GAS2: variants seen among roughly 807,000 people sequenced by gnomAD.
GAS2 encodes the protein growth arrest-specific protein 2.
GAS2 carries 20 observed loss-of-function variants against 37.5 expected under a neutral mutation model. That is an observed-to-expected ratio of 0.53 (90% CI 0.37 to 0.77). The LOEUF is 0.77. GAS2 is among the 30% of genes least tolerant of loss of function. The pLI is 0.00. For missense variants in GAS2, 336 were observed against 373.4 expected (o/e 0.90, Z 0.82); for synonymous variants, 144 against 132.2 (o/e 1.09, Z -0.61).
intron 1 of GAS2, among the ~76,000 whole-genome samples, chr11:22,660,328 A>G (rs1848902426): frequency 6.6e-6 from 1 of 152,164 alleles, no homozygotes; most frequent in Non-Finnish European, 1.5e-5. Flanking sequence ...TGTATTTTTA[A>G]TGCTGCTAAT....
chr11:22,748,992 A>G (rs1779176626), intron 5 of GAS2, 128 bp from the exon 6 acceptor site: 3 of 952,984 alleles, frequency 3.1e-6, no homozygotes, highest in Non-Finnish European at 4.6e-6. Context: ...TTTCAATGCC[A>G]GAAAAAAAGT....
intron 1 of GAS2, among the ~76,000 whole-genome samples, chr11:22,647,353 TG>T (rs1269866483): frequency 6.6e-6 from 1 of 152,146 alleles, no homozygotes; most frequent in Non-Finnish European, 1.5e-5. Flanking sequence ...TCTAAGTCTT[TG>T]CTATTGTGAA....
chr11:22,638,163 C>T (rs1003179287), intron 1 of GAS2, among the ~76,000 whole-genome samples: 4 of 151,970 alleles, frequency 2.6e-5, no homozygotes, highest in Non-Finnish European at 5.9e-5. Flanking sequence ...AAAACGGCAA[C>T]CACTAACATC....
chr11:22,735,018 A>G (rs1852673915), intron 4 of GAS2, among the ~76,000 whole-genome samples: 1 of 151,684 alleles, frequency 6.6e-6, no homozygotes, highest in Non-Finnish European at 1.5e-5. Context: ...TGCCTTTTCT[A>G]AAGATGCTAG....
At chr11:22,786,502 G>C (rs1462714844) in intron 7 of GAS2, among the ~76,000 whole-genome samples, 1 of 152,020 alleles carries the variant, frequency 6.6e-6, no homozygotes, top group African/African-American at 2.4e-5. Flanking sequence ...GCAAGGACTG[G>C]TTTTCAGTAA....
intron 3 of GAS2, among the ~76,000 whole-genome samples, chr11:22,695,403 T>C (rs1272805186): frequency 6.6e-6 from 1 of 152,162 alleles, no homozygotes; most frequent in Non-Finnish European, 1.5e-5. Context: ...TCCAAATTAA[T>C]TGATATACTT....
chr11:22,764,497 T>C (rs1217820007), intron 7 of GAS2, among the ~76,000 whole-genome samples: 1 of 148,922 alleles, frequency 6.7e-6, no homozygotes, highest in Non-Finnish European at 1.5e-5. Context: ...GAGGCGGAGC[T>C]TGCAGTGAGT....
chr11:22,656,648 A>G (rs1298611881), intron 1 of GAS2, among the ~76,000 whole-genome samples: 1 of 152,238 alleles, frequency 6.6e-6, no homozygotes, highest in African/African-American at 2.4e-5. Context: ...AATCATCCCC[A>G]TACTTTATTA....
In GAS2 at chr11:22,749,187, G is replaced by A. The variant is rs745338293; in HGVS notation, c.541G>A (p.Ala181Thr). The A allele has an allele frequency of 6.2e-7, 1 of 1,612,558 alleles. No individual in the cohort carries two copies. Among genetic ancestry groups the A allele is most frequent in the Non-Finnish European group, 8.5e-7 (1 of 1,179,158 alleles). Reference sequence around the variant, plus strand: ...GATTGAACAAGAAGAAACACTTTCTGCCCCTTCTCCTTCACCTTCTCCTTC... The same window carrying A: ...GATTGAACAAGAAGAAACACTTTCTACCCCTTCTCCTTCACCTTCTCCTTC... ...KEIEQEETLS[A>T]PSPSPSPSSK... The change falls in exon 6 of 8, where the codon GCC becomes ACC. Residue 181 changes from alanine to threonine, a missense_variant. By Grantham distance (58) the Ala-to-Thr change is moderately conservative. Coordinates refer to ENST00000454584, the MANE Select transcript of GAS2 (RefSeq NM_001143830.3).
chr11:22,690,767 T>C (rs1230180358), intron 3 of GAS2, among the ~76,000 whole-genome samples: 1 of 152,190 alleles, frequency 6.6e-6, no homozygotes, highest in African/African-American at 2.4e-5. Context: ...AATTGGCATC[T>C]CTAATCAAGA....
rs142819885 is a variant in GAS2, at chr11:22,680,681, T to C, written c.146-4987T>C. Among the ~76,000 whole-genome samples, 34 of 152,294 alleles carry C rather than the reference T, an allele frequency of 2.2e-4. No homozygotes were observed. The East Asian group carries it at 6.4e-3, about 29-fold the overall frequency. Reference sequence around the variant, plus strand: ...TACAAGGTGGATTGCTATTCATTTTTCAGCACCACAATCTTCAATCCCAAG... The same window carrying C: ...TACAAGGTGGATTGCTATTCATTTTCCAGCACCACAATCTTCAATCCCAAG... On this transcript the variant is annotated intron_variant, in intron 2 of 7. Transcript: ENST00000454584.
chr11:22,650,354 G>A (rs1209141508), intron 1 of GAS2, among the ~76,000 whole-genome samples: 2 of 150,692 alleles, frequency 1.3e-5, no homozygotes, highest in African/African-American at 4.9e-5. Context: ...GGTCAATTTT[G>A]GAATAGGTGT....
intron 3 of GAS2, among the ~76,000 whole-genome samples, chr11:22,691,683 G>T (rs1850251626): frequency 6.6e-6 from 1 of 152,118 alleles, no homozygotes; most frequent in East Asian, 1.9e-4. Context: ...GCATGATGTA[G>T]AAAGAAATAA....
intron 1 of GAS2, among the ~76,000 whole-genome samples, chr11:22,668,576 A>C (rs182855736): frequency 6.6e-6 from 1 of 152,248 alleles, no homozygotes; most frequent in Admixed American, 6.5e-5. Flanking sequence ...CCAGGTGCAA[A>C]AGGTCATGTG....
At chr11:22,628,751 ACC>A (rs1245253130) in intron 1 of GAS2, among the ~76,000 whole-genome samples, 1 of 151,948 alleles carries the variant, frequency 6.6e-6, no homozygotes, top group Non-Finnish European at 1.5e-5. Flanking sequence ...TGTACGTTGT[ACC>A]CAACATGTAG....
At chr11:22,756,859 C>G (rs1854071333) in intron 7 of GAS2, among the ~76,000 whole-genome samples, 1 of 152,078 alleles carries the variant, frequency 6.6e-6, no homozygotes, top group African/African-American at 2.4e-5. Context: ...GATGGCCTCA[C>G]TAGGAAAGGC....
chr11:22,738,127 C>T (rs911679898), intron 5 of GAS2, among the ~76,000 whole-genome samples: 3 of 152,094 alleles, frequency 2.0e-5, no homozygotes, highest in African/African-American at 7.2e-5. Flanking sequence ...CCTTCACCTC[C>T]TTGCTTCCTT....
chr11:22,686,332 A>G (rs569364631), intron 3 of GAS2, among the ~76,000 whole-genome samples: 1 of 152,236 alleles, frequency 6.6e-6, no homozygotes, highest in Admixed American at 6.5e-5. Flanking sequence ...TAAACACTTG[A>G]TGAAAGTATA....
intron 5 of GAS2, among the ~76,000 whole-genome samples, chr11:22,743,148 A>T (rs1460617422): frequency 1.3e-5 from 2 of 152,060 alleles, no homozygotes; most frequent in East Asian, 3.8e-4. Context: ...GATCTGCTAA[A>T]CTCCAGTACT....
Sources: allele counts gnomAD v4.1 joint callset (sites outside exome capture counted in the v4.1 genomes callset), GRCh38; gene constraint gnomAD v4.1.1; transcripts MANE v1.5; gene names NCBI Gene and HGNC (gene_info 2026-07-23, HGNC 2026-07-21).